GLS: variants seen among roughly 807,000 people sequenced by gnomAD.
GLS encodes the protein glutaminase kidney isoform, mitochondrial.
A neutral mutation model predicts 86.7 loss-of-function variants in GLS; 36 were observed. That is an observed-to-expected ratio of 0.42 (90% confidence interval 0.32 to 0.55). The LOEUF is 0.55. GLS is among the 20% of genes least tolerant of loss of function. The pLI, the probability that GLS is intolerant of heterozygous loss-of-function variation, is 0.17. For synonymous variants in GLS, 317 were observed against 305.9 expected, an observed-to-expected ratio of 1.04 and a Z score of -0.38; for missense variants, 528 against 833.4, an observed-to-expected ratio of 0.63 and a Z score of 4.51.
chr2:190,922,024 G>T lies in GLS; in HGVS notation c.1130+821G>T, dbSNP rs1185514928. Reference sequence around the variant, plus strand: ...TTATTAAATGGCTTTTATTTTTAAAGAGTGCAGGCTGCTTGTTTTATAGAC... The same window carrying T: ...TTATTAAATGGCTTTTATTTTTAAATAGTGCAGGCTGCTTGTTTTATAGAC... On this transcript the variant is annotated intron_variant, in intron 9 of 17. Transcript: ENST00000320717. Among the ~76,000 whole-genome samples, 3 of 152,168 alleles carry T rather than the reference G, an allele frequency of 2.0e-5. No homozygotes were observed. In the East Asian group the frequency reaches 5.8e-4, roughly 29 times the overall value.
chr2:190,947,545 G>A lies in GLS; in HGVS notation c.1651-6020G>A, dbSNP rs879571236. ...CAGGTGCAGTGTCTCTTTGCCATGGGGAGGTATACATTAAACATCAGAGCC... is the reference window on the plus strand; with the variant it reads ...CAGGTGCAGTGTCTCTTTGCCATGGAGAGGTATACATTAAACATCAGAGCC... On this transcript the variant is annotated intron_variant, in intron 14 of 17. Coordinates refer to ENST00000320717, the MANE Select transcript of GLS (RefSeq NM_014905.5). The surrounding 1 kb of genome is among the most constrained non-coding windows in gnomAD (Gnocchi z 5.0). Among the ~76,000 whole-genome samples, 13 of 152,180 alleles carry A rather than the reference G, an allele frequency of 8.5e-5. No homozygotes were observed. The highest frequency in any genetic ancestry group is 2.2e-4 in the African/African-American group (9 of 41,442).
Position 190,924,060 on chromosome 2 carries a change from A to C in GLS, c.1197+77A>C. 1 of 801,246 alleles carries C rather than the reference A, an allele frequency of 1.2e-6. No individual in the cohort carries two copies. Among genetic ancestry groups the C allele is most frequent in the East Asian group, 2.6e-5 (1 of 38,068 alleles). 49.6% of individuals were successfully genotyped at this position (801,246 alleles called of 1,614,324 possible). On this transcript the variant is annotated intron_variant, in intron 10 of 17. Coordinates refer to ENST00000320717, the MANE Select transcript of GLS (RefSeq NM_014905.5). The surrounding 1 kb of genome is among the most constrained non-coding windows in gnomAD (Gnocchi z 5.2). The stretch of plus-strand genomic sequence containing the variant: ...CATGAAGATGTATGCTAAGAATTCA[A>C]CAATAGCCTTTAAGCAACTACCTAT...
In GLS at chr2:190,914,734, T is replaced by G. The variant is rs1187803608; in HGVS notation, c.1038+4413T>G. ...TATGAATGGAATCAAGTGCGATACT[T>G]ACAAAATAACTCTGATGCATTGATT... On this transcript the variant is annotated intron_variant, in intron 7 of 17. Coordinates refer to ENST00000320717, the MANE Select transcript of GLS (RefSeq NM_014905.5). The surrounding 1 kb of genome is among the most constrained non-coding windows in gnomAD (Gnocchi z 4.4). 6.6e-6 allele frequency among the ~76,000 whole-genome samples: 1 copy of G among 152,184 alleles called. No individual in the cohort carries two copies. The highest frequency in any genetic ancestry group is 1.5e-5 in the Non-Finnish European group (1 of 68,026).
At position 190,949,607 on chromosome 2, in the gene GLS, C is replaced by T. The variant is rs1011462821; in HGVS notation, c.1651-3958C>T. ...ACTCCAGAGGCTGAGGTGGGAGAAT[C>T]ACTTGAACCCGAGAGGCGAAGGTTG... On this transcript the variant is annotated intron_variant, in intron 14 of 17. Coordinates refer to ENST00000320717, the MANE Select transcript of GLS (RefSeq NM_014905.5). The surrounding 1 kb of genome is among the most constrained non-coding windows in gnomAD (Gnocchi z 4.0). Among the ~76,000 whole-genome samples, 2 of 152,034 alleles carry T rather than the reference C, an allele frequency of 1.3e-5. No homozygotes were observed. Among genetic ancestry groups the T allele is most frequent in the South Asian group, 4.1e-4 (2 of 4,826 alleles).
chr2:190,881,963 C>G (rs538750254), intron 1 of GLS: 1 of 153,148 alleles, frequency 6.5e-6, no homozygotes, highest in East Asian at 1.9e-4. Flanking sequence ...CCTGCCCTCC[C>G]TTGGTTTCTG....
intron 13 of GLS, 63 bp from the exon 14 acceptor site, chr2:190,931,482 T>TA (rs1293907480): frequency 2.9e-6 from 2 of 685,184 alleles, no homozygotes; most frequent in Non-Finnish European, 2.6e-6. Flanking sequence ...TTTGTTAAAA[T>TA]ATGGATATAT....
At chr2:190,926,451 A>G (rs549066371) in intron 11 of GLS, among the ~76,000 whole-genome samples, 9 of 152,096 alleles carry the variant, frequency 5.9e-5, no homozygotes, top group Non-Finnish European at 8.8e-5. Flanking sequence ...CCTCTTGTAG[A>G]TCTTGGAGTA....
chr2:190,942,067 C>CTTTTTTTTTTTTTTTTTTTTTTTTTTTTT (rs3036653), intron 14 of GLS, among the ~76,000 whole-genome samples: 2 of 38,054 alleles, frequency 5.3e-5, no homozygotes, highest in Non-Finnish European at 1.2e-4. Context: ...ACTTTGAAGA[C>CTTTTTTTTTTTTTTTTTTTTTTTTTTTTT]TTTTTTTTTT....
In GLS at chr2:190,880,921, C is replaced by CAGCACCCGCAT; in HGVS notation, c.-164_-163insAGCACCCGCAT. ...AGCAGCAGCAGCAGCAGCAGCAGCA[C>CAGCACCCGCAT]CCGCATCCGCTGCGGGAGTCCGAGC... is the stretch of plus-strand genomic sequence containing the variant. On this transcript the variant is annotated 5_prime_UTR_variant, in exon 1 of 18. Coordinates refer to ENST00000320717, the MANE Select transcript of GLS (RefSeq NM_014905.5). 1 of 751,614 alleles carries CAGCACCCGCAT rather than the reference C, an allele frequency of 1.3e-6. No homozygotes were observed. The highest frequency in any genetic ancestry group is 2.2e-6 in the Non-Finnish European group (1 of 464,338). The allele number at this position is 751,614 out of a possible 1,614,324, so 46.6% of individuals were successfully genotyped here.
intron 14 of GLS, among the ~76,000 whole-genome samples, chr2:190,944,320 C>T (rs976096590): frequency 8.6e-5 from 13 of 151,886 alleles, no homozygotes; most frequent in Non-Finnish European, 1.3e-4. Context: ...AGCACTTTAT[C>T]ATTCCAGAAA....
intron 7 of GLS, among the ~76,000 whole-genome samples, chr2:190,910,868 A>G (rs1396923220): frequency 1.3e-5 from 2 of 150,516 alleles, no homozygotes; most frequent in Admixed American, 1.3e-4. Flanking sequence ...CATAATTAAA[A>G]TAAATAAGGC....
In GLS at chr2:190,880,872, CGCAGCA is replaced by C. The variant is rs57674096; in HGVS notation, c.-170_-165del. The C allele has an allele frequency of 0.15, 103,140 of 710,966 alleles. 5,971 individuals are homozygous for C. The highest frequency in any genetic ancestry group is 0.28 in the Admixed American group (12,521 of 44,954). The allele number at this position is 710,966 out of a possible 1,614,324, so 44.0% of individuals were successfully genotyped here. A position where few individuals can be genotyped will look rare whatever the true frequency, so the allele number is the denominator to read the frequency against. On this transcript the variant is annotated 5_prime_UTR_variant, in exon 1 of 18. Coordinates refer to ENST00000320717, the MANE Select transcript of GLS (RefSeq NM_014905.5). ...AGAACCGGTCGCGGCAATCCTAGCG[CGCAGCA>C]GCAGCAGCAGCAGCAGCAGCAGCAG...
At position 190,913,014 on chromosome 2, in the gene GLS, T is replaced by A. The variant is rs189396022; in HGVS notation, c.1038+2693T>A. Among the ~76,000 whole-genome samples the A allele has an allele frequency of 6.7e-6, 1 of 148,598 alleles. No homozygotes were observed. The highest frequency in any genetic ancestry group is 3.4e-3 in the Middle Eastern group (1 of 294). On this transcript the variant is annotated intron_variant, in intron 7 of 17. Transcript: ENST00000320717. This position sits in a 1 kb window ranked among gnomAD's most constrained non-coding sequence, Gnocchi z 6.1. ...GAGGTGAATTCTGTTTTTAGCTCTTTTAATTGATGACCTTAAGGCTATTTG... is the reference window on the plus strand; with the variant it reads ...GAGGTGAATTCTGTTTTTAGCTCTTATAATTGATGACCTTAAGGCTATTTG...
intron 7 of GLS, among the ~76,000 whole-genome samples, chr2:190,912,070 A>G (rs1031489625): frequency 6.6e-6 from 1 of 152,094 alleles, no homozygotes; most frequent in African/African-American, 2.4e-5. Flanking sequence ...TTCACTTGCC[A>G]TGTTTAGTCA....
Position 190,954,616 on chromosome 2 carries a change from G to A in GLS, c.1745G>A (p.Arg582Gln), listed in dbSNP as rs201990840. 13 of 1,613,116 alleles carry A rather than the reference G, an allele frequency of 8.1e-6. No homozygotes were observed. Among genetic ancestry groups the A allele is most frequent in the Admixed American group, 1.7e-5 (1 of 59,988 alleles). The change falls in exon 16 of 18, where the codon CGG becomes CAG. Residue 582 changes from arginine to glutamine, a missense_variant. Coordinates refer to ENST00000320717, the MANE Select transcript of GLS (RefSeq NM_014905.5). This position sits in a 1 kb window ranked among gnomAD's most constrained non-coding sequence, Gnocchi z 4.0. ...FALSAMDMEQ[R>Q]DYDSRTALHV... ...TTGTCAGCTATGGACATGGAACAGC[G>A]GGACTATGATTCTAGAACAGCACTC... is the stretch of plus-strand genomic sequence containing the variant.
At position 190,924,253 on chromosome 2, in the gene GLS, G is replaced by C. The variant is rs573013168; in HGVS notation, c.1197+270G>C. ...GTTTAGTCTATTTTTTCAAAAGCAT[G>C]ATGCCTGATTACTGTTAACTACTCT... is the stretch of plus-strand genomic sequence containing the variant. On this transcript the variant is annotated intron_variant, in intron 10 of 17. Transcript: ENST00000320717. This position sits in a 1 kb window ranked among gnomAD's most constrained non-coding sequence, Gnocchi z 5.2. 1.7e-3 allele frequency among the ~76,000 whole-genome samples: 261 copies of C among 152,202 alleles called. No individual in the cohort carries two copies. The highest frequency in any genetic ancestry group is 5.9e-3 in the African/African-American group (245 of 41,546).
At chr2:190,944,523 T>G (rs1373254674) in intron 14 of GLS, among the ~76,000 whole-genome samples, 1 of 152,194 alleles carries the variant, frequency 6.6e-6, no homozygotes, top group Admixed American at 6.5e-5. Context: ...TAGCTGTCTT[T>G]GTCTTTGCTC....
Position 190,881,240 on chromosome 2 carries a change from G to C in GLS, c.156G>C (p.Ala52=). Reference sequence around the variant, plus strand: ...CGGCCGCGGGCCCGGCTGCCGCCGCGCGACTCCACCCGTGGTGGGGCGGGG... The same window carrying C: ...CGGCCGCGGGCCCGGCTGCCGCCGCCCGACTCCACCCGTGGTGGGGCGGGG... ...GRPAAGPAAA[A]RLHPWWGGGG... Residue 52 remains alanine, a synonymous_variant, in exon 1 of 18, where the codon GCG becomes GCC. Coordinates refer to ENST00000320717, the MANE Select transcript of GLS (RefSeq NM_014905.5). 1 of 1,251,462 alleles carries C rather than the reference G, an allele frequency of 8.0e-7. No homozygotes were observed. The highest frequency in any genetic ancestry group is 1.0e-6 in the Non-Finnish European group (1 of 1,001,216). 77.5% of individuals were successfully genotyped at this position (1,251,462 alleles called of 1,614,324 possible).
At position 190,902,443 on chromosome 2, in the gene GLS, G is replaced by A. The variant is rs1236821774; in HGVS notation, c.815+417G>A. 3.9e-5 allele frequency among the ~76,000 whole-genome samples: 6 copies of A among 152,276 alleles called. 1 individual carries two copies. In the South Asian group the frequency reaches 1.0e-3, roughly 26 times the overall value. On this transcript the variant is annotated intron_variant, in intron 5 of 17. Transcript: ENST00000320717. ...CTGATAAAATTAGCATGAGAATTAA[G>A]ACAGTGCAACATAACGTATCCCAAA... is the stretch of plus-strand genomic sequence containing the variant.
Sources: allele counts gnomAD v4.1 joint callset (sites outside exome capture counted in the v4.1 genomes callset), GRCh38; gene constraint gnomAD v4.1.1; non-coding constraint Gnocchi (gnomAD v3.1); transcripts MANE v1.5; gene names NCBI Gene and HGNC (gene_info 2026-07-23, HGNC 2026-07-21).